The following CLK3 variants were observed in gnomAD, a reference collection of about 807,000 sequenced individuals.
CLK3 encodes dual specificity protein kinase CLK3.
A neutral mutation model predicts 65.2 loss-of-function variants in CLK3; 24 were observed. The ratio of observed to expected loss-of-function variants is 0.37; its 90% CI spans 0.27 to 0.52. CLK3 has a LOEUF of 0.52. Ranked by LOEUF, CLK3 falls within the 20% of genes least tolerant of loss-of-function variation. The pLI is 0.92. For missense variants in CLK3, 506 were observed against 660.0 expected (o/e 0.77, Z 2.56); for synonymous variants, 252 against 240.8 (o/e 1.05, Z -0.43).
chr15:74,617,506 G>C (rs1044226868), intron 1 of CLK3, among the ~76,000 whole-genome samples: 15 of 152,388 alleles, frequency 9.8e-5, no homozygotes, highest in African/African-American at 2.4e-4. Flanking sequence ...CTGACGGTCA[G>C]AGTAGTGTAA....
intron 1 of CLK3, among the ~76,000 whole-genome samples, chr15:74,617,136 A>T (rs1397412150): frequency 6.6e-6 from 1 of 152,152 alleles, no homozygotes; most frequent in East Asian, 1.9e-4. Flanking sequence ...TATAACTCTC[A>T]TGCTTGTCAT....
At position 74,624,857 on chromosome 15, in the gene CLK3, T is replaced by C. The variant is rs1165479641; in HGVS notation, c.534-45T>C. 7.0e-7 allele frequency: 1 copy of C among 1,423,062 alleles called. No individual in the cohort carries two copies. Among genetic ancestry groups the C allele is most frequent in the South Asian group, 1.2e-5 (1 of 83,446 alleles). The allele number at this position is 1,423,062 out of a possible 1,614,324, so 88.2% of individuals were successfully genotyped here. A position where few individuals can be genotyped will look rare whatever the true frequency, so the allele number is the denominator to read the frequency against. On this transcript the variant is annotated intron_variant, in intron 5 of 12. Coordinates refer to ENST00000395066, the MANE Select transcript of CLK3 (RefSeq NM_001130028.2). The surrounding 1 kb of genome is among the most constrained non-coding windows in gnomAD (Gnocchi z 4.2). Reference sequence around the variant, plus strand: ...TTGGGGTGGAGGGTTGGGGAAGGACTGGGCAGCTGCTGATGAGAACCTCTG... The same window carrying C: ...TTGGGGTGGAGGGTTGGGGAAGGACCGGGCAGCTGCTGATGAGAACCTCTG...
In CLK3 at chr15:74,622,596, G is replaced by A. The variant is rs1282334736; in HGVS notation, c.533+36G>A. On this transcript the variant is annotated intron_variant, in intron 5 of 12. Coordinates refer to ENST00000395066, the MANE Select transcript of CLK3 (RefSeq NM_001130028.2). The surrounding 1 kb of genome is among the most constrained non-coding windows in gnomAD (Gnocchi z 4.6). Reference sequence around the variant, plus strand: ...TGCGGCAGTACAGCTGGCTCCGGATGTGATCTTCCTGGGAAGAGCTGGCCT... The same window carrying A: ...TGCGGCAGTACAGCTGGCTCCGGATATGATCTTCCTGGGAAGAGCTGGCCT... 1.3e-6 allele frequency: 2 copies of A among 1,544,128 alleles called. No homozygotes were observed. Among genetic ancestry groups the A allele is most frequent in the South Asian group, 1.2e-5 (1 of 84,590 alleles).
At chr15:74,617,916 A>G (rs1307505404) in intron 1 of CLK3, among the ~76,000 whole-genome samples, 1 of 152,246 alleles carries the variant, frequency 6.6e-6, no homozygotes, top group Admixed American at 6.5e-5. Flanking sequence ...GATTTCACAA[A>G]ATATTTATCT....
intron 1 of CLK3, 98 bp downstream of exon 1, chr15:74,615,996 C>T (rs948508532): frequency 2.3e-5 from 22 of 937,278 alleles, no homozygotes; most frequent in Admixed American, 4.3e-5. Flanking sequence ...TCTCGGCCTA[C>T]TCCCTTTCTT....
At position 74,627,700 on chromosome 15, in the gene CLK3, TACTGG is replaced by T. The variant is rs773884265; in HGVS notation, c.1042+37_1042+41del. The T allele has an allele frequency of 6.2e-7, 1 of 1,612,644 alleles. No homozygotes were observed. The highest frequency in any genetic ancestry group is 8.5e-7 in the Non-Finnish European group (1 of 1,179,732). ...GACTGTATGGCCTGTGACCTTGTCA[TACTGG>T]ACTGTTGTTGGGAGGGTATGAGCAG... On this transcript the variant is annotated intron_variant, in intron 9 of 12. Coordinates refer to ENST00000395066, the MANE Select transcript of CLK3 (RefSeq NM_001130028.2). The surrounding 1 kb of genome is among the most constrained non-coding windows in gnomAD (Gnocchi z 4.3).
At position 74,629,404 on chromosome 15, in the gene CLK3, T is replaced by C. The variant is rs751821222; in HGVS notation, c.1297-303T>C. The C allele has an allele frequency of 6.7e-5, 36 of 533,584 alleles. 1 individual carries two copies. The highest frequency in any genetic ancestry group is 1.2e-4 in the Non-Finnish European group (35 of 294,904). 33.1% of individuals were successfully genotyped at this position (533,584 alleles called of 1,614,324 possible). A position where few individuals can be genotyped will look rare whatever the true frequency, so the allele number is the denominator to read the frequency against. ...GCCAGGAAGCCTCTGTCAACTGCATTTGGTGCTCGGACAAGTGAATTTCGC... is the reference window on the plus strand; with the variant it reads ...GCCAGGAAGCCTCTGTCAACTGCATCTGGTGCTCGGACAAGTGAATTTCGC... On this transcript the variant is annotated intron_variant, in intron 12 of 12. Transcript: ENST00000395066.
upstream of CLK3, among the ~76,000 whole-genome samples, chr15:74,614,526 CTGT>C (rs2062030307): frequency 6.6e-6 from 1 of 152,242 alleles, no homozygotes; most frequent in Non-Finnish European, 1.5e-5. Context: ...GAATTAGCTT[CTGT>C]TGTTTACTTC....
intron 5 of CLK3, among the ~76,000 whole-genome samples, chr15:74,623,145 C>G (rs1035131700): frequency 2.0e-5 from 3 of 152,320 alleles, no homozygotes; most frequent in African/African-American, 7.2e-5. Context: ...GCACCTCACT[C>G]TCTCCCAAGC....
In CLK3 at chr15:74,619,177, C is replaced by T. The variant is rs973645376; in HGVS notation, c.1-20C>T. On this transcript the variant is annotated intron_variant, in intron 1 of 12. Coordinates refer to ENST00000395066, the MANE Select transcript of CLK3 (RefSeq NM_001130028.2). Reference sequence around the variant, plus strand: ...GGCTGGCTGTGTGTTTAGCAGGGCTCTCTGTTCCTCGTGGCCTAGATGCAT... The same window carrying T: ...GGCTGGCTGTGTGTTTAGCAGGGCTTTCTGTTCCTCGTGGCCTAGATGCAT... The T allele has an allele frequency of 2.5e-6, 4 of 1,612,962 alleles. No homozygotes were observed. Among genetic ancestry groups the T allele is most frequent in the African/African-American group, 2.7e-5 (2 of 74,904 alleles).
chr15:74,616,548 C>T (rs971048834), intron 1 of CLK3, among the ~76,000 whole-genome samples: 8 of 152,344 alleles, frequency 5.3e-5, no homozygotes, highest in Admixed American at 1.3e-4. Flanking sequence ...GCTTTAGTTC[C>T]GGGTGTGGGT....
chr15:74,616,093 C>T (rs1426930282), intron 1 of CLK3, 195 bp downstream of exon 1: 1 of 437,326 alleles, frequency 2.3e-6, no homozygotes, highest in Admixed American at 4.4e-5. Context: ...AGACCCTGAC[C>T]TCGACCCCAC....
At chr15:74,625,737 CTG>C (rs1293461733) in intron 6 of CLK3, 63 bp from the exon 7 acceptor site, 96 of 1,576,654 alleles carry the variant, frequency 6.1e-5, no homozygotes, top group Non-Finnish European at 7.7e-5. Context: ...CTGTCTTCAT[CTG>C]AGAGAGGGGG....
chr15:74,622,269 A>C lies in CLK3; in HGVS notation c.466+53A>C. 6.5e-7 allele frequency: 1 copy of C among 1,543,066 alleles called. No homozygotes were observed. Among genetic ancestry groups the C allele is most frequent in the Non-Finnish European group, 8.9e-7 (1 of 1,123,272 alleles). ...CTCTCTACTTTCTACCCCCCTTGTTAGACGAGACCTCTCCTGCCTGGAGGG... is the reference window on the plus strand; with the variant it reads ...CTCTCTACTTTCTACCCCCCTTGTTCGACGAGACCTCTCCTGCCTGGAGGG... On this transcript the variant is annotated intron_variant, in intron 4 of 12. Coordinates refer to ENST00000395066, the MANE Select transcript of CLK3 (RefSeq NM_001130028.2). This position sits in a 1 kb window ranked among gnomAD's most constrained non-coding sequence, Gnocchi z 4.6.
upstream of CLK3, among the ~76,000 whole-genome samples, chr15:74,612,685 TCTCCC>T (rs1250812328): frequency 6.6e-6 from 1 of 151,836 alleles, no homozygotes; most frequent in Non-Finnish European, 1.5e-5. Context: ...TTGACTCTCC[TCTCCC>T]CTTACTCCAG....
chr15:74,626,008 G>T (rs939644037), intron 7 of CLK3, 40 bp downstream of exon 7: 11 of 1,605,372 alleles, frequency 6.9e-6, no homozygotes, highest in Non-Finnish European at 8.5e-6. Flanking sequence ...GCAGCCACAT[G>T]CCTGCAGCCA....
Position 74,619,994 on chromosome 15 carries a change from T to G in CLK3, c.153-15T>G. 6.2e-7 allele frequency: 1 copy of G among 1,613,614 alleles called. No individual in the cohort carries two copies. Among genetic ancestry groups the G allele is most frequent in the Non-Finnish European group, 8.5e-7 (1 of 1,179,856 alleles). The stretch of plus-strand genomic sequence containing the variant: ...AGGACCCAGCTGACCAGCGTCCCCA[T>G]CCCCCTTTTGGCAGCCATGACCGCC... On this transcript the variant is annotated splice_polypyrimidine_tract_variant and intron_variant, in intron 2 of 12. Coordinates refer to ENST00000395066, the MANE Select transcript of CLK3 (RefSeq NM_001130028.2).
chr15:74,610,166 G>T (rs1259951997), intron 1 of CLK3, among the ~76,000 whole-genome samples: 1 of 152,274 alleles, frequency 6.6e-6, no homozygotes, highest in East Asian at 1.9e-4. Context: ...TGGGCCAACA[G>T]GCTGTTGGGT....
chr15:74,626,051 C>T (rs1054828238), intron 7 of CLK3, 83 bp downstream of exon 7: 3 of 1,462,358 alleles, frequency 2.1e-6, no homozygotes, highest in African/African-American at 2.8e-5. Context: ...CCCATTCATT[C>T]CAGCACGTTA....
Sources: allele counts gnomAD v4.1 joint callset (sites outside exome capture counted in the v4.1 genomes callset), GRCh38; gene constraint gnomAD v4.1.1; non-coding constraint Gnocchi (gnomAD v3.1); transcripts MANE v1.5; gene names NCBI Gene and HGNC (gene_info 2026-07-23, HGNC 2026-07-21).